Variants in CCDC178 observed in about 807,000 individuals in gnomAD.
CCDC178 encodes the protein coiled-coil domain containing 178.
In CCDC178, 126 loss-of-function variants were observed where a neutral mutation model predicts 117.4. That is an observed-to-expected ratio of 1.07 (90% CI 0.93 to 1.24). CCDC178 has a LOEUF of 1.24. Among genes scored for constraint, CCDC178 ranks in the 50% most tolerant of loss-of-function variants. CCDC178 has a pLI of 0.00. For missense variants in CCDC178, 1,030 were observed against 986.9 expected (o/e 1.04, Z -0.59); for synonymous variants, 283 against 313.4 (o/e 0.90, Z 1.02).
chr18:33,134,358 G>T (rs998892232), intron 20 of CCDC178, among the ~76,000 whole-genome samples: 2 of 151,900 alleles, frequency 1.3e-5, no homozygotes, highest in Non-Finnish European at 2.9e-5. Context: ...TAGATCGCAG[G>T]CTTATTTCAA....
chr18:33,302,840 G>A (rs1008153149), intron 11 of CCDC178, among the ~76,000 whole-genome samples: 2 of 152,144 alleles, frequency 1.3e-5, no homozygotes, highest in African/African-American at 4.8e-5. Context: ...AATTGAAACA[G>A]AGGATATTAA....
intron 22 of CCDC178, among the ~76,000 whole-genome samples, chr18:32,952,382 C>T (rs904400182): frequency 3.3e-5 from 5 of 152,220 alleles, no homozygotes; most frequent in African/African-American, 7.2e-5. Flanking sequence ...TCTGTGCACC[C>T]GCAGGCCCAA....
chr18:33,089,611 A>G (rs2057432389), intron 21 of CCDC178, among the ~76,000 whole-genome samples: 1 of 152,188 alleles, frequency 6.6e-6, no homozygotes, highest in South Asian at 2.1e-4. Context: ...ATAATTTAAA[A>G]AATATATTTT....
intron 20 of CCDC178, among the ~76,000 whole-genome samples, chr18:33,137,031 C>T (rs995448472): frequency 2.0e-5 from 3 of 152,080 alleles, no homozygotes; most frequent in African/African-American, 7.2e-5. Flanking sequence ...ATTAAAGTAA[C>T]ATACTTTTGC....
At chr18:33,197,165 T>C (rs1191388676) in intron 20 of CCDC178, among the ~76,000 whole-genome samples, 8 of 152,128 alleles carry the variant, frequency 5.3e-5, no homozygotes, top group Non-Finnish European at 1.2e-4. Flanking sequence ...GTAGCTGAGA[T>C]TACAGGTGTG....
At chr18:33,023,080 T>C (rs1404490454) in intron 21 of CCDC178, among the ~76,000 whole-genome samples, 1 of 151,938 alleles carries the variant, frequency 6.6e-6, no homozygotes, top group Non-Finnish European at 1.5e-5. Flanking sequence ...GGCTGCAAAA[T>C]ATGTGAAGGA....
chr18:33,072,136 A>C (rs888091464), intron 21 of CCDC178, among the ~76,000 whole-genome samples: 2 of 152,116 alleles, frequency 1.3e-5, no homozygotes, highest in Admixed American at 6.6e-5. Context: ...TTGGTTACTA[A>C]TACTATACTT....
intron 21 of CCDC178, among the ~76,000 whole-genome samples, chr18:33,088,298 T>C (rs984861692): frequency 6.6e-6 from 1 of 151,364 alleles, no homozygotes; most frequent in Admixed American, 6.6e-5. Flanking sequence ...TCATATAAAA[T>C]TTAGAATTGA....
intron 20 of CCDC178, among the ~76,000 whole-genome samples, chr18:33,102,122 T>C (rs2057637073): frequency 6.6e-6 from 1 of 151,834 alleles, no homozygotes; most frequent in Non-Finnish European, 1.5e-5. Flanking sequence ...CATTAACAAT[T>C]TGGTGCAAGT....
chr18:33,082,762 AAAAAT>A (rs893690471), intron 21 of CCDC178, among the ~76,000 whole-genome samples: 8 of 151,808 alleles, frequency 5.3e-5, no homozygotes, highest in Admixed American at 1.3e-4. Context: ...CGTATTCTAA[AAAAAT>A]AAAATAAAAT....
chr18:32,989,762 T>C (rs867141090), intron 21 of CCDC178, among the ~76,000 whole-genome samples: 3 of 151,692 alleles, frequency 2.0e-5, no homozygotes, highest in African/African-American at 7.3e-5. Flanking sequence ...CAGTGAGCTG[T>C]AGTTATACAA....
chr18:33,391,134 G>GA (rs1417799695), intron 4 of CCDC178, among the ~76,000 whole-genome samples: 1 of 149,794 alleles, frequency 6.7e-6, no homozygotes, highest in African/African-American at 2.4e-5. Context: ...AAATAATACA[G>GA]AAAAAAATTA....
intron 20 of CCDC178, among the ~76,000 whole-genome samples, chr18:33,101,712 T>G (rs2057630649): frequency 6.6e-6 from 1 of 151,944 alleles, no homozygotes; most frequent in East Asian, 1.9e-4. Flanking sequence ...ATGTACTGTA[T>G]AAATGCAGAA....
Position 33,092,904 on chromosome 18 carries a change from T to C in CCDC178, c.2245A>G (p.Ile749Val). The change falls in exon 21 of 23, where the codon ATA becomes GTA. Residue 749 changes from isoleucine to valine, a missense_variant. Ile to Val is a conservative substitution (Grantham distance 29). Transcript: ENST00000383096. ...AGATTTTCTTCAAGTGAATCAGCTATTATTTTCTAGAAGGTAAAAAAATAT... is the reference window on the plus strand; with the variant it reads ...AGATTTTCTTCAAGTGAATCAGCTACTATTTTCTAGAAGGTAAAAAAATAT... ...QKTLQDTQKI[I>V]ADSLEENLRL... 2 of 1,548,236 alleles carry C rather than the reference T, an allele frequency of 1.3e-6. No homozygotes were observed. The highest frequency in any genetic ancestry group is 1.2e-5 in the South Asian group (1 of 82,678).
At chr18:33,192,355 G>A (rs955590233) in intron 20 of CCDC178, among the ~76,000 whole-genome samples, 4 of 152,026 alleles carry the variant, frequency 2.6e-5, no homozygotes, top group Admixed American at 6.6e-5. Flanking sequence ...TTTGTCTGTG[G>A]GTAAGACACT....
rs768474256 is a variant in CCDC178, at chr18:33,092,755, C to G, written c.2388+6G>C. ...ATCACCTTAAAACAATTAGAAAAAC[C>G]AATACCTGTTTCTTATCTCTAATTG... is the stretch of plus-strand genomic sequence containing the variant. On this transcript the variant is annotated splice_donor_region_variant and intron_variant, in intron 21 of 22. Coordinates refer to ENST00000383096, the MANE Select transcript of CCDC178 (RefSeq NM_001105528.4). 1 of 1,520,628 alleles carries G rather than the reference C, an allele frequency of 6.6e-7. No homozygotes were observed. Among genetic ancestry groups the G allele is most frequent in the Non-Finnish European group, 9.0e-7 (1 of 1,113,288 alleles). 94.2% of individuals were successfully genotyped at this position (1,520,628 alleles called of 1,614,324 possible).
chr18:33,411,090 T>G (rs1479340713), intron 3 of CCDC178, among the ~76,000 whole-genome samples: 1 of 152,140 alleles, frequency 6.6e-6, no homozygotes, highest in African/African-American at 2.4e-5. Context: ...CCACCTGATA[T>G]CAGCAGAACC....
At chr18:33,250,442 T>A (rs112192208) in intron 14 of CCDC178, among the ~76,000 whole-genome samples, 1 of 151,456 alleles carries the variant, frequency 6.6e-6, no homozygotes, top group African/African-American at 2.4e-5. Flanking sequence ...GCCTAAAAAA[T>A]AGACTGGGGA....
chr18:33,202,365 C>T (rs2058999119), intron 20 of CCDC178, among the ~76,000 whole-genome samples: 1 of 118,610 alleles, frequency 8.4e-6, no homozygotes, highest in South Asian at 2.9e-4. Flanking sequence ...TGCACTCCAG[C>T]CTGGCAACAG....
Sources: gnomAD v4.1 joint callset for allele counts (sites outside exome capture counted in the v4.1 genomes callset) on GRCh38, gnomAD v4.1.1 for gene constraint, MANE v1.5 for transcripts, NCBI Gene and HGNC (gene_info 2026-07-23, HGNC 2026-07-21) for gene names.